The following WNT2B variants were observed in gnomAD, a reference collection of about 807,000 sequenced individuals.
The protein encoded by WNT2B is protein Wnt-2b.
Under a neutral mutation model 40.5 loss-of-function variants are expected in WNT2B, and 19 were observed. The observed-to-expected ratio is 0.47, with a 90% CI of 0.33 to 0.69. The LOEUF is 0.69. Ranked by LOEUF, WNT2B falls within the 30% of genes least tolerant of loss-of-function variation. The pLI is 0.02. For missense variants in WNT2B, 467 were observed against 556.4 expected, an observed-to-expected ratio of 0.84 and a Z score of 1.62; for synonymous variants, 220 against 211.9, an observed-to-expected ratio of 1.04 and a Z score of -0.33.
chr1:112,503,554 C>T (rs559820451), intron 1 of WNT2B, among the ~76,000 whole-genome samples: 3 of 151,882 alleles, frequency 2.0e-5, no homozygotes, highest in Admixed American at 6.6e-5. Flanking sequence ...CACAGAGAGA[C>T]GGAGAAAGCC....
intron 3 of WNT2B, 150 bp downstream of exon 3, chr1:112,516,567 T>C: frequency 9.0e-7 from 1 of 1,113,312 alleles, no homozygotes; most frequent in Non-Finnish European, 1.2e-6. Flanking sequence ...GAGAACTAAA[T>C]GCAAGGGAGC....
chr1:112,511,762 T>C (rs1652360063), intron 1 of WNT2B, among the ~76,000 whole-genome samples: 1 of 152,232 alleles, frequency 6.6e-6, no homozygotes, highest in African/African-American at 2.4e-5. Context: ...ATTGTATTCA[T>C]AGGCTCACAA....
chr1:112,467,538 A>G (rs1279710036), exon 1 of WNT2B: 3 of 780,940 alleles, frequency 3.8e-6, no homozygotes, highest in Middle Eastern at 2.3e-4. Flanking sequence ...ACTTTCCCAC[A>G]TGTTGGATGG....
At chr1:112,502,860 C>T (rs1184399519) in intron 1 of WNT2B, among the ~76,000 whole-genome samples, 1 of 152,126 alleles carries the variant, frequency 6.6e-6, no homozygotes, top group Non-Finnish European at 1.5e-5. Context: ...CCTGACTTGG[C>T]TCAAGTCTGA....
intron 1 of WNT2B, among the ~76,000 whole-genome samples, chr1:112,483,217 CACACAT>C (rs765015066): frequency 1.4e-4 from 8 of 56,404 alleles, no homozygotes; most frequent in Non-Finnish European, 2.1e-4. Flanking sequence ...CACACACACA[CACACAT>C]ATACACACAC....
intron 1 of WNT2B, among the ~76,000 whole-genome samples, chr1:112,472,995 A>AGGGAGGAC (rs1385129670): frequency 1.9e-5 from 2 of 102,748 alleles, no homozygotes; most frequent in African/African-American, 1.1e-4. Flanking sequence ...AGAGGGAGGG[A>AGGGAGGAC]GGGGAGGGAA....
chr1:112,473,159 G>GGAAGGAAGGA (rs1381626977), intron 1 of WNT2B, among the ~76,000 whole-genome samples: 4 of 15,384 alleles, frequency 2.6e-4, no homozygotes, highest in East Asian at 4.5e-3. Flanking sequence ...GGAAGGAAAA[G>GGAAGGAAGGA]AAAGAGAGGA....
Position 112,509,373 on chromosome 1 carries a change from C to T in WNT2B, c.111C>T (p.Ala37=). The part of the protein sequence containing the change: ...PAAPDGSRAS[A]RLGLACLLLL... ...CCCCCGACGGCTCCCGGGCTTCGGCCCGCCTAGGTCTTGCCTGCCTTCTGC... is the reference window on the plus strand; with the variant it reads ...CCCCCGACGGCTCCCGGGCTTCGGCTCGCCTAGGTCTTGCCTGCCTTCTGC... Residue 37 remains alanine (A), a synonymous_variant, in exon 1 of 5, where the codon GCC becomes GCT. Coordinates refer to ENST00000369684, the MANE Select transcript of WNT2B (RefSeq NM_024494.3). This position sits in a 1 kb window ranked among gnomAD's most constrained non-coding sequence, Gnocchi z 4.2. 6.3e-7 allele frequency: 1 copy of T among 1,596,156 alleles called. No homozygotes were observed.
intron 1 of WNT2B, among the ~76,000 whole-genome samples, chr1:112,487,794 A>G (rs937324012): frequency 3.3e-5 from 5 of 151,906 alleles, no homozygotes; most frequent in East Asian, 3.9e-4. Flanking sequence ...TTAGCCAGGC[A>G]TGGTGGCACA....
intron 1 of WNT2B, among the ~76,000 whole-genome samples, chr1:112,484,258 CATATATATATACACATATATAT>C (rs1207517080): frequency 1.4e-4 from 16 of 110,438 alleles, no homozygotes; most frequent in African/African-American, 5.0e-4. Context: ...TATATATACA[CATATATATATACACATATATAT>C]ATATATATAT....
At chr1:112,484,734 T>G (rs1249143695) in intron 1 of WNT2B, among the ~76,000 whole-genome samples, 1 of 148,086 alleles carries the variant, frequency 6.8e-6, no homozygotes, top group East Asian at 2.0e-4. Context: ...AGAGCAAGAC[T>G]CCCTCTTGAA....
Position 112,516,163 on chromosome 1 carries a change from T to A in WNT2B, c.427T>A (p.Tyr143Asn), listed in dbSNP as rs1359758245. ...LRSSREAAFV[Y>N]AISSAGVVHA... is the part of the protein sequence containing the mutation. ...AGGTAGCCGAGAGGCAGCTTTTGTA[T>A]ATGCCATCTCATCAGCAGGGGTAGT... Residue 143 changes from tyrosine to asparagine, a missense_variant, in exon 3 of 5, where the codon TAT becomes AAT. Physicochemically the swap from Tyr to Asn is moderately radical, Grantham distance 143. Coordinates refer to ENST00000369684, the MANE Select transcript of WNT2B (RefSeq NM_024494.3). 6.2e-7 allele frequency: 1 copy of A among 1,613,572 alleles called. No individual in the cohort carries two copies. Among genetic ancestry groups the A allele is most frequent in the Admixed American group, 1.7e-5 (1 of 59,996 alleles).
At position 112,522,528 on chromosome 1, in the gene WNT2B, C is replaced by G. The variant is rs917490116; in HGVS notation, c.*2019C>G. On this transcript the variant is annotated 3_prime_UTR_variant, in exon 5 of 5. Transcript: ENST00000369684. ...AGGCCCCTGTCTTTCCAAAGTTCCT[C>G]TCCAATATCCCTTGGGGTCCTCATG... The G allele has an allele frequency of 6.6e-6, 1 of 152,232 alleles. No homozygotes were observed. Among genetic ancestry groups the G allele is most frequent in the Non-Finnish European group, 1.5e-5 (1 of 68,060 alleles). The allele number at this position is 152,232 out of a possible 1,614,324, so 9.4% of individuals were successfully genotyped here.
chr1:112,479,742 C>A (rs115486014), intron 1 of WNT2B, among the ~76,000 whole-genome samples: 1,916 of 151,984 alleles, frequency 0.013, 22 homozygotes, highest in Non-Finnish European at 0.019. Flanking sequence ...GACGGGGTCT[C>A]GCTCTGTCTC....
At chr1:112,475,583 T>A (rs533372125) in intron 1 of WNT2B, among the ~76,000 whole-genome samples, 51 of 152,198 alleles carry the variant, frequency 3.4e-4, no homozygotes, top group Non-Finnish European at 6.5e-4. Context: ...GGAAATATAC[T>A]GTAGTAAGAT....
Position 112,526,177 on chromosome 1 carries a change from A to T in WNT2B, c.*5668A>T. The T allele has an allele frequency of 6.2e-7, 1 of 1,605,814 alleles. No individual in the cohort carries two copies. The highest frequency in any genetic ancestry group is 8.5e-7 in the Non-Finnish European group (1 of 1,176,146). ...GGAGTCCCAGGACAGCCAAGAGAGT[A>T]TATCTGAGCACAGTTTACAAAGGAA... On this transcript the variant is annotated 3_prime_UTR_variant, in exon 5 of 5. Transcript: ENST00000369684.
At chr1:112,479,132 A>C (rs933520576) in intron 1 of WNT2B, among the ~76,000 whole-genome samples, 1 of 152,012 alleles carries the variant, frequency 6.6e-6, no homozygotes, top group Non-Finnish European at 1.5e-5. Flanking sequence ...GAGGCAGGAG[A>C]ATCGCTTGAA....
In WNT2B at chr1:112,509,324, C is replaced by A. The variant is rs763102290; in HGVS notation, c.62C>A (p.Pro21Gln). 2.5e-6 allele frequency: 4 copies of A among 1,581,528 alleles called. No individual in the cohort carries two copies. Among genetic ancestry groups the A allele is most frequent in the East Asian group, 2.3e-5 (1 of 43,346 alleles). The change falls in exon 1 of 5, where the codon CCG becomes CAG. Residue 21 changes from proline (P) to glutamine (Q), a missense_variant. Transcript: ENST00000369684. The surrounding 1 kb of genome is among the most constrained non-coding windows in gnomAD (Gnocchi z 4.2). Reference sequence around the variant, plus strand: ...CTCCCGCTTCGGCGCGCCAGCGCCCCGGTCCCTGTGCCGTCGCCCGCGGCC... The same window carrying A: ...CTCCCGCTTCGGCGCGCCAGCGCCCAGGTCCCTGTGCCGTCGCCCGCGGCC... The part of the protein sequence containing the change: ...AQLPLRRASA[P>Q]VPVPSPAAPD...
At chr1:112,507,588 C>G (rs1652153058), upstream of WNT2B, among the ~76,000 whole-genome samples, 2 of 152,194 alleles carry the variant, frequency 1.3e-5, no homozygotes, top group South Asian at 4.1e-4. Flanking sequence ...ACCTTCTCCA[C>G]TATCTCTGTC....
Sources: gnomAD v4.1 joint callset for allele counts (sites outside exome capture counted in the v4.1 genomes callset) on GRCh38, gnomAD v4.1.1 for gene constraint, Gnocchi (gnomAD v3.1) non-coding constraint, MANE v1.5 for transcripts, NCBI Gene and HGNC (gene_info 2026-07-23, HGNC 2026-07-21) for gene names.